The following THSD7B variants were observed in gnomAD, a reference collection of about 807,000 sequenced individuals.
The protein encoded by THSD7B is thrombospondin type-1 domain-containing protein 7B.
In THSD7B, 138 loss-of-function variants were observed where a neutral mutation model predicts 213.6. The observed-to-expected ratio is 0.65, with a 90% CI of 0.56 to 0.74. The LOEUF (loss-of-function observed/expected upper bound fraction) is 0.74, where lower values mean the gene tolerates loss of function less well. Ranked by LOEUF, THSD7B falls within the 30% of genes least tolerant of loss-of-function variation. THSD7B has a pLI of 0.00. For synonymous variants in THSD7B, 742 were observed against 687.0 expected (o/e 1.08, Z -1.25); for missense variants, 1,931 against 1,991.5 (o/e 0.97, Z 0.58).
intron 4 of THSD7B, among the ~76,000 whole-genome samples, chr2:137,106,093 T>A (rs752529747): frequency 3.3e-5 from 5 of 152,044 alleles, no homozygotes; most frequent in Non-Finnish European, 5.9e-5. Flanking sequence ...CCAAGAGATA[T>A]CCCAAGCAAA....
At chr2:137,560,490 C>G (rs1003803755) in intron 15 of THSD7B, among the ~76,000 whole-genome samples, 2 of 152,078 alleles carry the variant, frequency 1.3e-5, no homozygotes, top group African/African-American at 4.8e-5. Context: ...CATGTTCTCA[C>G]TCATAGGTGG....
Position 137,588,832 on chromosome 2 carries a change from C to G in THSD7B, c.3423+16276C>G, listed in dbSNP as rs775574187. On this transcript the variant is annotated intron_variant, in intron 17 of 27. Transcript: ENST00000409968. ...TGGAGTTTTGCTCTTGTTGCTCAGG[C>G]TGGAGTGCAATGGCATGATCTAAGC... 2.6e-5 allele frequency among the ~76,000 whole-genome samples: 4 copies of G among 151,858 alleles called. No individual in the cohort carries two copies. In the East Asian group the frequency reaches 7.7e-4, roughly 29 times the overall value.
chr2:137,083,372 T>C (rs1010342107), intron 3 of THSD7B, among the ~76,000 whole-genome samples: 1 of 152,152 alleles, frequency 6.6e-6, no homozygotes, highest in East Asian at 1.9e-4. Flanking sequence ...AAATCACTTT[T>C]AATATTTTCA....
intron 10 of THSD7B, among the ~76,000 whole-genome samples, chr2:137,259,418 G>A (rs760599981): frequency 2.0e-5 from 3 of 152,170 alleles, no homozygotes; most frequent in Non-Finnish European, 2.9e-5. Context: ...GTTTTGATTT[G>A]CATTTCTCTA....
At chr2:137,587,486 G>C (rs1362682920) in intron 17 of THSD7B, among the ~76,000 whole-genome samples, 3 of 152,158 alleles carry the variant, frequency 2.0e-5, no homozygotes, top group Non-Finnish European at 4.4e-5. Context: ...TTTGGTCTTT[G>C]ATGATAGTGA....
At chr2:137,473,191 TTATTATTAA>T (rs1373850132) in intron 15 of THSD7B, among the ~76,000 whole-genome samples, 1 of 151,792 alleles carries the variant, frequency 6.6e-6, no homozygotes, top group African/African-American at 2.4e-5. Context: ...CAAAACATTA[TTATTATTAA>T]TATTATTATT....
chr2:136,899,641 T>G (rs1684031386), intron 2 of THSD7B, among the ~76,000 whole-genome samples: 1 of 152,194 alleles, frequency 6.6e-6, no homozygotes, highest in Non-Finnish European at 1.5e-5. Flanking sequence ...TTGTTGTAAG[T>G]GGGGTTCCTA....
chr2:137,528,699 G>T (rs1289459798), intron 15 of THSD7B, among the ~76,000 whole-genome samples: 1 of 151,974 alleles, frequency 6.6e-6, no homozygotes, highest in African/African-American at 2.4e-5. Flanking sequence ...GCATACAGAG[G>T]CATTTCTCAC....
chr2:137,002,662 G>A (rs114319901), intron 2 of THSD7B, among the ~76,000 whole-genome samples: 6,756 of 152,150 alleles, frequency 0.044, 209 homozygotes, highest in South Asian at 0.08. Context: ...TCCACTGACT[G>A]TTGTTAAATA....
At chr2:137,537,032 C>G (rs777897055) in intron 15 of THSD7B, among the ~76,000 whole-genome samples, 18 of 151,796 alleles carry the variant, frequency 1.2e-4, no homozygotes, top group Admixed American at 2.0e-4. Flanking sequence ...TACTAACTCT[C>G]TGTTCTGGAC....
intron 2 of THSD7B, among the ~76,000 whole-genome samples, chr2:137,047,611 TG>T (rs1199897060): frequency 6.6e-6 from 1 of 152,180 alleles, no homozygotes; most frequent in Non-Finnish European, 1.5e-5. Flanking sequence ...CCACGTGTCT[TG>T]TTCCAGTGGC....
intron 2 of THSD7B, among the ~76,000 whole-genome samples, chr2:137,049,384 A>G (rs1687023514): frequency 1.3e-5 from 2 of 152,252 alleles, no homozygotes; most frequent in African/African-American, 4.8e-5. Context: ...CGTTTAGAAT[A>G]AGATAGAACT....
At chr2:136,953,889 C>A (rs193165423) in intron 2 of THSD7B, among the ~76,000 whole-genome samples, 3 of 152,196 alleles carry the variant, frequency 2.0e-5, no homozygotes, top group Non-Finnish European at 2.9e-5. Flanking sequence ...TTCTAGGGTT[C>A]AAATTAAAGA....
chr2:137,202,125 A>G (rs1680889846), intron 7 of THSD7B, among the ~76,000 whole-genome samples: 1 of 152,080 alleles, frequency 6.6e-6, no homozygotes, highest in Non-Finnish European at 1.5e-5. Flanking sequence ...CCCATGTAGT[A>G]ATTTTATTAT....
At chr2:136,802,280 C>G (rs1213095974) in intron 1 of THSD7B, among the ~76,000 whole-genome samples, 1 of 151,942 alleles carries the variant, frequency 6.6e-6, no homozygotes, top group East Asian at 1.9e-4. Context: ...CAATATAATC[C>G]CGTGGATCCT....
In THSD7B at chr2:137,655,561, T is replaced by A. The variant is rs376285504; in HGVS notation, c.4006T>A (p.Ser1336Thr). ...CCTTTCCTGCATGGTCCACAGTGGT[T>A]CAATATCTCATGCAGCTGGACGTGT... is the stretch of plus-strand genomic sequence containing the variant. ...RSLSCMVHSG[S>T]ISHAAGRVED... The change falls in exon 22 of 28, where the codon TCA (serine) becomes ACA (threonine). Residue 1336 changes from serine (S) to threonine (T), a missense_variant. By Grantham distance (58) the Ser-to-Thr change is moderately conservative. Coordinates refer to ENST00000409968, the MANE Select transcript of THSD7B (RefSeq NM_001316349.2). 3 of 1,612,660 alleles carry A rather than the reference T, an allele frequency of 1.9e-6. No individual in the cohort carries two copies. The highest frequency in any genetic ancestry group is 2.5e-6 in the Non-Finnish European group (3 of 1,179,468).
chr2:136,929,054 A>G (rs185629626), intron 2 of THSD7B, among the ~76,000 whole-genome samples: 2 of 152,326 alleles, frequency 1.3e-5, no homozygotes, highest in African/African-American at 2.4e-5. Context: ...TGTAATAGCC[A>G]TCAACATGAA....
At chr2:137,084,108 A>T (rs1687796059) in intron 3 of THSD7B, among the ~76,000 whole-genome samples, 1 of 139,142 alleles carries the variant, frequency 7.2e-6, no homozygotes, top group Admixed American at 7.3e-5. Flanking sequence ...AGGGTAGATT[A>T]GCTCTCTAGG....
chr2:137,662,689 G>C (rs965731417), intron 25 of THSD7B, among the ~76,000 whole-genome samples: 3 of 152,098 alleles, frequency 2.0e-5, no homozygotes, highest in Non-Finnish European at 4.4e-5. Context: ...GGAGCAACTA[G>C]GCAAGGATCT....
Sources: allele counts gnomAD v4.1 joint callset (sites outside exome capture counted in the v4.1 genomes callset), GRCh38; gene constraint gnomAD v4.1.1; transcripts MANE v1.5; gene names NCBI Gene and HGNC (gene_info 2026-07-23, HGNC 2026-07-21).